The following VWA3B variants were observed in gnomAD, a reference collection of about 807,000 sequenced individuals.
VWA3B encodes the protein von Willebrand factor A domain containing 3B, also known as von Willebrand factor A domain-containing protein 3B.
A neutral mutation model predicts 158.3 loss-of-function variants in VWA3B; 138 were observed. The observed-to-expected ratio is 0.87, with a 90% CI of 0.76 to 1.00. The LOEUF (loss-of-function observed/expected upper bound fraction) is 1.00. VWA3B is among the 50% of genes least tolerant of loss of function. VWA3B has a pLI of 0.00. For synonymous variants in VWA3B, 596 were observed against 587.3 expected, an observed-to-expected ratio of 1.01 and a Z score of -0.21; for missense variants, 1,555 against 1,565.1, an observed-to-expected ratio of 0.99 and a Z score of 0.11.
intron 2 of VWA3B, among the ~76,000 whole-genome samples, chr2:98,114,480 T>C (rs1347555420): frequency 6.6e-6 from 1 of 152,140 alleles, no homozygotes; most frequent in Non-Finnish European, 1.5e-5. Context: ...TCACCCCTTG[T>C]GATTGGGGAG....
At chr2:98,110,760 C>G (rs931230621) in intron 2 of VWA3B, among the ~76,000 whole-genome samples, 2 of 152,178 alleles carry the variant, frequency 1.3e-5, no homozygotes, top group Admixed American at 1.3e-4. Flanking sequence ...TGTCTCTACC[C>G]AAATCTCATC....
intron 9 of VWA3B, among the ~76,000 whole-genome samples, chr2:98,185,600 T>C (rs980029311): frequency 6.6e-6 from 1 of 152,194 alleles, no homozygotes; most frequent in South Asian, 2.1e-4. Context: ...CCACTCACTC[T>C]CTGCAGGTGA....
chr2:98,220,550 C>T lies in VWA3B; in HGVS notation c.2019+2522C>T, dbSNP rs565102876. 2.6e-3 allele frequency among the ~76,000 whole-genome samples: 390 copies of T among 152,238 alleles called. 5 individuals are homozygous for T. Among genetic ancestry groups the T allele is most frequent in the Middle Eastern group, 0.02 (6 of 294 alleles). On this transcript the variant is annotated intron_variant, in intron 14 of 27. Coordinates refer to ENST00000477737, the MANE Select transcript of VWA3B (RefSeq NM_144992.5). ...ATTGTGGAAGACAGTGTGGCGATTCCTCAAGAATCTAGAACCAGAAATACC... is the reference window on the plus strand; with the variant it reads ...ATTGTGGAAGACAGTGTGGCGATTCTTCAAGAATCTAGAACCAGAAATACC...
Position 98,128,302 on chromosome 2 carries a change from C to T in VWA3B, c.766C>T (p.Gln256Ter). The change falls in exon 6 of 28, where the codon CAG becomes TAG. Residue 256 changes from glutamine to a stop codon, truncating the protein, a stop_gained. Coordinates refer to ENST00000477737, the MANE Select transcript of VWA3B (RefSeq NM_144992.5). LOFTEE classifies it high-confidence loss of function. ...VPEESKELLL[Q>*]RALEIPCPVY... ...TGAAGAATCCAAGGAGCTTCTCCTC[C>T]AGAGGGCCTTGGAGATCCCGTGTCC... The T allele has an allele frequency of 1.9e-6, 3 of 1,614,124 alleles. No individual in the cohort carries two copies. The highest frequency in any genetic ancestry group is 2.5e-6 in the Non-Finnish European group (3 of 1,180,020).
At chr2:98,235,672 C>T (rs189019353) in intron 17 of VWA3B, among the ~76,000 whole-genome samples, 1 of 152,248 alleles carries the variant, frequency 6.6e-6, no homozygotes, top group African/African-American at 2.4e-5. Flanking sequence ...GTGAGCCACC[C>T]GCCTTGGCCT....
chr2:98,203,839 A>G (rs1289720837), intron 12 of VWA3B, among the ~76,000 whole-genome samples: 1 of 152,200 alleles, frequency 6.6e-6, no homozygotes, highest in Non-Finnish European at 1.5e-5. Context: ...TAAGCCCTCC[A>G]TATCTGCAAG....
At chr2:98,134,275 G>A (rs899751177) in intron 7 of VWA3B, among the ~76,000 whole-genome samples, 2 of 152,212 alleles carry the variant, frequency 1.3e-5, no homozygotes, top group African/African-American at 4.8e-5. Context: ...GCTGCAGAGA[G>A]GGTGCCTGCG....
chr2:98,228,072 T>C, intron 14 of VWA3B, 130 bp from the exon 15 acceptor site: 2 of 1,025,192 alleles, frequency 2.0e-6, no homozygotes, highest in Middle Eastern at 3.1e-4. Context: ...GAGGATCACT[T>C]GAGCCCAGGA....
chr2:98,168,731 A>G (rs959213304), intron 8 of VWA3B, among the ~76,000 whole-genome samples: 2 of 152,208 alleles, frequency 1.3e-5, no homozygotes, highest in African/African-American at 4.8e-5. Flanking sequence ...CAGATTAGAC[A>G]TCGCAGGAAA....
chr2:98,091,046 C>G (rs1261303548), intron 1 of VWA3B, among the ~76,000 whole-genome samples: 1 of 152,170 alleles, frequency 6.6e-6, no homozygotes, highest in Non-Finnish European at 1.5e-5. Context: ...TGCACCCAGC[C>G]TCATTATCTT....
At chr2:98,195,452 TAA>T (rs1195629302) in intron 12 of VWA3B, among the ~76,000 whole-genome samples, 30 of 152,204 alleles carry the variant, frequency 2.0e-4, no homozygotes, top group South Asian at 4.1e-4. Context: ...ATCTGTTCTA[TAA>T]GAAATAATAA....
chr2:98,275,345 G>A (rs1271424180), intron 22 of VWA3B, among the ~76,000 whole-genome samples: 1 of 152,220 alleles, frequency 6.6e-6, no homozygotes. Flanking sequence ...CCAATAAACA[G>A]CCACATGTCT....
chr2:98,276,602 C>T (rs1030465540), intron 22 of VWA3B, among the ~76,000 whole-genome samples: 5 of 151,820 alleles, frequency 3.3e-5, no homozygotes, highest in Non-Finnish European at 2.9e-5. Flanking sequence ...AGGGCTGTGG[C>T]CACTGCGTTT....
At chr2:98,283,709 C>T (rs1009974713) in intron 22 of VWA3B, among the ~76,000 whole-genome samples, 7 of 152,196 alleles carry the variant, frequency 4.6e-5, no homozygotes, top group Non-Finnish European at 7.4e-5. Flanking sequence ...TACATACATC[C>T]TAACAGTTTC....
chr2:98,318,826 AGTCT>A, the VWA3B span, among the ~76,000 whole-genome samples: 2 of 152,248 alleles, frequency 1.3e-5, no homozygotes. Flanking sequence ...TCTATCTGTC[AGTCT>A]ATCTACCTAT....
intron 21 of VWA3B, among the ~76,000 whole-genome samples, chr2:98,263,766 G>A (rs1041272903): frequency 6.6e-6 from 1 of 151,930 alleles, no homozygotes; most frequent in Non-Finnish European, 1.5e-5. Flanking sequence ...AATGAGTTAG[G>A]AGCATTTCTC....
rs563741301 is a variant in VWA3B at position 98,256,384 on chromosome 2, C to A, written c.2843+210C>A. On this transcript the variant is annotated intron_variant, in intron 21 of 27. Coordinates refer to ENST00000477737, the MANE Select transcript of VWA3B (RefSeq NM_144992.5). Reference sequence around the variant, plus strand: ...AATCACTCCCCATTCCTGTCTCCCCCTTTTCTGGGTTACCACCAGTTTGCT... The same window carrying A: ...AATCACTCCCCATTCCTGTCTCCCCATTTTCTGGGTTACCACCAGTTTGCT... 3.9e-5 allele frequency among the ~76,000 whole-genome samples: 6 copies of A among 152,244 alleles called. No homozygotes were observed. The South Asian group carries it at 1.2e-3, about 32-fold the overall frequency.
Position 98,236,598 on chromosome 2 carries a change from CTGGCTGAAGACCTA to C in VWA3B, c.2547_2560del (p.Lys850GlyfsTer33), listed in dbSNP as rs781405838. 7 of 1,614,104 alleles carry C rather than the reference CTGGCTGAAGACCTA, an allele frequency of 4.3e-6. No homozygotes were observed. The highest frequency in any genetic ancestry group is 5.1e-6 in the Non-Finnish European group (6 of 1,180,050). ...GTTCTTCAGATGTGTCTTCAGAAAA[CTGGCTGAAGACCTA>C]TGGCTTGGTCGCCAAGAAACTCACC... On this transcript the variant is annotated frameshift_variant, in exon 19 of 28. Transcript: ENST00000477737. LOFTEE classifies it high-confidence loss of function.
chr2:98,167,866 A>G (rs1440909148), intron 8 of VWA3B, among the ~76,000 whole-genome samples: 1 of 152,232 alleles, frequency 6.6e-6, no homozygotes, highest in African/African-American at 2.4e-5. Flanking sequence ...CTACTTGGAA[A>G]GGTCTTGCCT....
Sources: allele counts gnomAD v4.1 joint callset (sites outside exome capture counted in the v4.1 genomes callset), GRCh38; gene constraint gnomAD v4.1.1; transcripts MANE v1.5; gene names NCBI Gene and HGNC (gene_info 2026-07-23, HGNC 2026-07-21).